GSDMB: variants seen among roughly 807,000 people sequenced by gnomAD.
GSDMB encodes the protein gasdermin-B.
GSDMB carries 32 observed loss-of-function variants against 42.9 expected under a neutral mutation model. The ratio of observed to expected loss-of-function variants is 0.75; its 90% CI spans 0.56 to 1.00. The LOEUF (loss-of-function observed/expected upper bound fraction) is 1.00. Among genes scored for constraint, GSDMB ranks in the 50% least tolerant of loss-of-function variants. The pLI is 0.00. For synonymous variants in GSDMB, 175 were observed against 193.7 expected, an observed-to-expected ratio of 0.90 and a Z score of 0.80; for missense variants, 468 against 498.5, an observed-to-expected ratio of 0.94 and a Z score of 0.58.
chr17:39,904,877 C>A lies in GSDMB; in HGVS notation c.1186G>T (p.Ala396Ser), dbSNP rs762043026. 6.2e-7 allele frequency: 1 copy of A among 1,613,596 alleles called. No homozygotes were observed. The highest frequency in any genetic ancestry group is 8.5e-7 in the Non-Finnish European group (1 of 1,179,706). ...AGGATAGAGACAACAACATACAGCG[C>A]ACAGAGAATTCGTGCCTCAGGGTCA... The part of the protein sequence containing the change: ...DYDPEARILC[A>S]LYVVVSILLE... The change falls in exon 11 of 11, where the codon GCG becomes TCG. Residue 396 changes from alanine (A) to serine (S), a missense_variant. Physicochemically the swap from Ala to Ser is moderately conservative, Grantham distance 99 (BLOSUM62 1). Coordinates refer to ENST00000418519, the MANE Select transcript of GSDMB (RefSeq NM_001165958.2).
At chr17:39,909,371 C>A in intron 4 of GSDMB, 1 of 389,908 alleles carries the variant, frequency 2.6e-6, no homozygotes, top group Non-Finnish European at 4.6e-6. Context: ...AGCAAAAATA[C>A]ACCTGTGTAA....
At chr17:39,911,753 T>C (rs1006053205) in intron 3 of GSDMB, among the ~76,000 whole-genome samples, 4 of 152,158 alleles carry the variant, frequency 2.6e-5, no homozygotes, top group African/African-American at 9.7e-5. Context: ...TGGAAGCCAC[T>C]GGCTTGCCCA....
intron 3 of GSDMB, among the ~76,000 whole-genome samples, chr17:39,910,993 T>C (rs546626354): frequency 7.2e-5 from 11 of 152,226 alleles, no homozygotes; most frequent in African/African-American, 2.4e-4. Context: ...TAAGCCTTTG[T>C]TTTTAATTTA....
At chr17:39,908,465 C>T (rs1225765412) in intron 5 of GSDMB, among the ~76,000 whole-genome samples, 1 of 150,156 alleles carries the variant, frequency 6.7e-6, no homozygotes, top group African/African-American at 2.5e-5. Flanking sequence ...CTGCAACCTC[C>T]ACTTCCCAGG....
chr17:39,905,835 A>T lies in GSDMB; in HGVS notation c.1027+12T>A, dbSNP rs1469067792. On this transcript the variant is annotated intron_variant, in intron 9 of 10. Transcript: ENST00000418519. ...TTCCTCCACCCCAGCCTACAGCGAG[A>T]CCCTTCCTCACCTAGCAGGGCATCC... 2 of 1,612,698 alleles carry T rather than the reference A, an allele frequency of 1.2e-6. No homozygotes were observed. Among genetic ancestry groups the T allele is most frequent in the Non-Finnish European group, 1.7e-6 (2 of 1,179,578 alleles).
In GSDMB at chr17:39,917,168, C is replaced by T. The variant is rs368721570; in HGVS notation, c.149G>A (p.Arg50Gln). Reference protein sequence around the residue: ...VGEKRTFFGCRHYTTGLTLMD... With the variant: ...VGEKRTFFGCQHYTTGLTLMD... ...CAGGGTGAGGCCTGTTGTGTAGTGC[C>T]GGCATCCAAAGAAAGTTCTCTTCTC... The change falls in exon 2 of 11, where the codon CGG becomes CAG. Residue 50 changes from arginine (R) to glutamine (Q), a missense_variant. Transcript: ENST00000418519. 36 of 1,613,914 alleles carry T rather than the reference C, an allele frequency of 2.2e-5. No homozygotes were observed. Among genetic ancestry groups the T allele is most frequent in the Admixed American group, 6.7e-5 (4 of 59,988 alleles).
In GSDMB at chr17:39,906,130, C is replaced by T. The variant is rs781065865; in HGVS notation, c.869G>A (p.Arg290Gln). The T allele has an allele frequency of 3.7e-6, 6 of 1,614,056 alleles. No individual in the cohort carries two copies. The highest frequency in any genetic ancestry group is 2.7e-5 in the African/African-American group (2 of 74,916). ...CCTTACTCTTTGCTCTAGATCCTGC[C>T]GAATATCCTCCTTGCCGAGGCACTT... ...LAKCLGKEDI[R>Q]QDLEQRVSEV... Residue 290 changes from arginine (R) to glutamine (Q), a missense_variant, in exon 8 of 11, where the codon CGG becomes CAG. Physicochemically the swap from Arg to Gln is conservative, Grantham distance 43. Coordinates refer to ENST00000418519, the MANE Select transcript of GSDMB (RefSeq NM_001165958.2).
At chr17:39,906,866 A>T in intron 7 of GSDMB, 95 bp downstream of exon 7, 1 of 1,592,810 alleles carries the variant, frequency 6.3e-7, no homozygotes, top group Non-Finnish European at 8.6e-7. Context: ...CTTCCTACCC[A>T]CTCAGCTGAC....
chr17:39,912,758 A>T (rs953143513), intron 2 of GSDMB, among the ~76,000 whole-genome samples: 1 of 152,178 alleles, frequency 6.6e-6, no homozygotes, highest in African/African-American at 2.4e-5. Context: ...ACCTCTTTGA[A>T]TCTGTTTCTT....
chr17:39,906,103 T>C lies in GSDMB; in HGVS notation c.888+8A>G. 1 of 1,613,966 alleles carries C rather than the reference T, an allele frequency of 6.2e-7. No homozygotes were observed. On this transcript the variant is annotated splice_region_variant and intron_variant, in intron 8 of 10. Transcript: ENST00000418519. ...TCTCTGCCCCAAGGCTTTCTTAGGG[T>C]CCCTTACTCTTTGCTCTAGATCCTG...
At chr17:39,906,048 CCA>C in intron 8 of GSDMB, 61 bp downstream of exon 8, 1 of 1,611,150 alleles carries the variant, frequency 6.2e-7, no homozygotes, top group Admixed American at 1.7e-5. Context: ...CCTCACTGTG[CCA>C]ACTGCCATCC....
intron 2 of GSDMB, among the ~76,000 whole-genome samples, chr17:39,914,937 A>C (rs992841354): frequency 1.3e-5 from 2 of 151,564 alleles, no homozygotes; most frequent in Admixed American, 1.3e-4. Context: ...CCCAGGTTCA[A>C]GCAATTCTCC....
At chr17:39,908,260 A>G (rs2063540935) in intron 5 of GSDMB, 46 bp from the exon 6 acceptor site, 1 of 1,014,974 alleles carries the variant, frequency 9.9e-7, no homozygotes. Flanking sequence ...TATTGGAGAG[A>G]CCAGTTATCA....
intron 6 of GSDMB, 113 bp from the exon 7 acceptor site, chr17:39,907,100 G>A: frequency 1.3e-6 from 2 of 1,555,160 alleles, no homozygotes; most frequent in Non-Finnish European, 8.7e-7. Flanking sequence ...CCTCACTGCT[G>A]GTGCCAGGGA....
chr17:39,910,338 A>T (rs1384957270), intron 3 of GSDMB, among the ~76,000 whole-genome samples: 1 of 152,156 alleles, frequency 6.6e-6, no homozygotes, highest in Non-Finnish European at 1.5e-5. Flanking sequence ...CAAATAAATA[A>T]AAACAAAGTG....
At chr17:39,912,723 C>T (rs997135164) in intron 2 of GSDMB, among the ~76,000 whole-genome samples, 4 of 152,232 alleles carry the variant, frequency 2.6e-5, no homozygotes, top group South Asian at 4.1e-4. Flanking sequence ...ACCTTCTTAC[C>T]ACATGACCTT....
intron 2 of GSDMB, among the ~76,000 whole-genome samples, chr17:39,913,908 A>G (rs2063660498): frequency 6.6e-6 from 1 of 152,220 alleles, no homozygotes; most frequent in African/African-American, 2.4e-5. Context: ...TCCATTTTGG[A>G]ACTGGTGGAA....
At chr17:39,907,786 T>C (rs747700379) in intron 6 of GSDMB, 10 of 171,236 alleles carry the variant, frequency 5.8e-5, no homozygotes, top group Non-Finnish European at 8.7e-5. Context: ...CTTGGGAGGC[T>C]GTAGAGCTAG....
chr17:39,917,577 T>C (rs1256935370), intron 1 of GSDMB: 1 of 393,272 alleles, frequency 2.5e-6, no homozygotes, highest in Non-Finnish European at 4.4e-6. Flanking sequence ...TGATACAATA[T>C]AGTCTCCCCG....
Sources: allele counts gnomAD v4.1 joint callset (sites outside exome capture counted in the v4.1 genomes callset), GRCh38; gene constraint gnomAD v4.1.1; transcripts MANE v1.5; gene names NCBI Gene and HGNC (gene_info 2026-07-23, HGNC 2026-07-21).